Variants in RABGAP1L observed in about 807,000 individuals in gnomAD.
RABGAP1L encodes the protein rab GTPase-activating protein 1-like.
Under a neutral mutation model 137.7 loss-of-function variants are expected in RABGAP1L, and 63 were observed. The observed-to-expected ratio is 0.46, with a 90% CI of 0.37 to 0.56. The LOEUF (loss-of-function observed/expected upper bound fraction) is 0.56, where lower values mean the gene tolerates loss of function less well. Among genes scored for constraint, RABGAP1L ranks in the 20% least tolerant of loss-of-function variants. The pLI is 0.00. For missense variants in RABGAP1L, 1,095 were observed against 1,244.0 expected (o/e 0.88, Z 1.80); for synonymous variants, 431 against 433.7 (o/e 0.99, Z 0.08).
intron 13 of RABGAP1L, among the ~76,000 whole-genome samples, chr1:174,601,934 T>C (rs1670446283): frequency 6.6e-6 from 1 of 152,148 alleles, no homozygotes; most frequent in South Asian, 2.1e-4. Flanking sequence ...CCCAACAAGT[T>C]CCTCATCTCT....
At chr1:174,706,674 A>T (rs1041006953) in intron 17 of RABGAP1L, among the ~76,000 whole-genome samples, 54 of 152,312 alleles carry the variant, frequency 3.5e-4, no homozygotes, top group African/African-American at 1.2e-3. Context: ...ACCCAGATTT[A>T]AAAAAGAACA....
intron 13 of RABGAP1L, among the ~76,000 whole-genome samples, chr1:174,577,481 T>C (rs1291201670): frequency 6.6e-6 from 1 of 152,076 alleles, no homozygotes; most frequent in East Asian, 1.9e-4. Context: ...GTAAGTGCTA[T>C]GTTAAGTGTT....
intron 13 of RABGAP1L, among the ~76,000 whole-genome samples, chr1:174,579,489 A>G (rs1331126365): frequency 2.0e-5 from 3 of 152,202 alleles, no homozygotes; most frequent in Non-Finnish European, 4.4e-5. Context: ...GCATCCACTG[A>G]ACACACGTGC....
chr1:174,345,501 C>T (rs541983098), intron 11 of RABGAP1L, among the ~76,000 whole-genome samples: 22 of 152,102 alleles, frequency 1.4e-4, no homozygotes, highest in African/African-American at 4.6e-4. Context: ...AGAGGTCTTT[C>T]GCTTGTTTGG....
In RABGAP1L at chr1:174,159,553, G is replaced by A. The variant is rs1421111339; in HGVS notation, c.-138G>A. 3 of 152,274 alleles carry A rather than the reference G, an allele frequency of 2.0e-5. No individual in the cohort carries two copies. The highest frequency in any genetic ancestry group is 4.4e-5 in the Non-Finnish European group (3 of 68,088). 9.4% of individuals were successfully genotyped at this position (152,274 alleles called of 1,614,324 possible). On this transcript the variant is annotated 5_prime_UTR_variant, in exon 1 of 26. Transcript: ENST00000681986. ...CCGCCCTCCTCGGGCTCCAGCGGTG[G>A]CGGAGCGAACGGGACCGGCCCGGCT...
chr1:174,497,127 A>AT (rs1275638929), intron 13 of RABGAP1L, among the ~76,000 whole-genome samples: 2 of 152,092 alleles, frequency 1.3e-5, no homozygotes, highest in Non-Finnish European at 1.5e-5. Flanking sequence ...AAGTTTCTAT[A>AT]TTTTTTCTAT....
chr1:174,709,316 G>A (rs1464063417), intron 17 of RABGAP1L, among the ~76,000 whole-genome samples: 1 of 152,200 alleles, frequency 6.6e-6, no homozygotes, highest in African/African-American at 2.4e-5. Flanking sequence ...TACAGTGCTC[G>A]AGCTCTGCTA....
At chr1:174,601,227 C>G (rs1281383549) in intron 13 of RABGAP1L, among the ~76,000 whole-genome samples, 1 of 152,196 alleles carries the variant, frequency 6.6e-6, no homozygotes, top group Non-Finnish European at 1.5e-5. Context: ...GCCCAGCCCA[C>G]AAAACTACTT....
intron 18 of RABGAP1L, among the ~76,000 whole-genome samples, chr1:174,767,005 T>C (rs1685720424): frequency 6.6e-6 from 1 of 152,198 alleles, no homozygotes; most frequent in African/African-American, 2.4e-5. Context: ...GACAACAACT[T>C]AACTTTTTCA....
At chr1:174,346,240 A>G (rs1682416285) in intron 11 of RABGAP1L, among the ~76,000 whole-genome samples, 1 of 152,098 alleles carries the variant, frequency 6.6e-6, no homozygotes, top group African/African-American at 2.4e-5. Context: ...TGGCATCAGG[A>G]CAATACTGGC....
At position 174,860,469 on chromosome 1, in the gene RABGAP1L, G is replaced by A. The variant is rs561714387; in HGVS notation, c.2340+48509G>A. Among the ~76,000 whole-genome samples the A allele has an allele frequency of 3.5e-4, 53 of 152,148 alleles. No individual in the cohort carries two copies. In the South Asian group the frequency reaches 4.8e-3, roughly 14 times the overall value. On this transcript the variant is annotated intron_variant, in intron 19 of 25. Coordinates refer to ENST00000681986, the MANE Select transcript of RABGAP1L (RefSeq NM_001366446.1). ...TGTTTAAAAAAAAATTAAAAATCAA[G>A]TGATTTTTTAAAAATGAAGAAAAGG...
intron 13 of RABGAP1L, among the ~76,000 whole-genome samples, chr1:174,426,047 A>G (rs1651917396): frequency 6.6e-6 from 1 of 152,056 alleles, no homozygotes; most frequent in Admixed American, 6.6e-5. Context: ...CTATTTTACA[A>G]TCAATCATTG....
At chr1:174,975,732 G>A (rs1327759268) in intron 21 of RABGAP1L, among the ~76,000 whole-genome samples, 3 of 152,208 alleles carry the variant, frequency 2.0e-5, no homozygotes, top group Non-Finnish European at 4.4e-5. Flanking sequence ...TCTGTAAGAA[G>A]CATTTAGAAG....
At chr1:174,735,970 C>T (rs572648246) in intron 17 of RABGAP1L, among the ~76,000 whole-genome samples, 5 of 152,306 alleles carry the variant, frequency 3.3e-5, no homozygotes, top group African/African-American at 9.6e-5. Context: ...GGGGATTACA[C>T]TTCAACATGA....
At chr1:174,856,955 T>C (rs1649420417) in intron 19 of RABGAP1L, among the ~76,000 whole-genome samples, 1 of 150,862 alleles carries the variant, frequency 6.6e-6, no homozygotes, top group Admixed American at 6.6e-5. Flanking sequence ...GACCTTTGGG[T>C]TTAAAAGCCC....
At chr1:174,319,937 G>A (rs193241661) in intron 11 of RABGAP1L, among the ~76,000 whole-genome samples, 34 of 151,994 alleles carry the variant, frequency 2.2e-4, no homozygotes, top group East Asian at 5.8e-4. Flanking sequence ...AAAAATCTTC[G>A]ATCACTATGT....
intron 1 of RABGAP1L, among the ~76,000 whole-genome samples, chr1:174,160,278 C>G (rs2901805): frequency 1.3e-5 from 1 of 76,502 alleles, no homozygotes. Flanking sequence ...CTCCCCCCAA[C>G]CCCCACCCAC....
intron 13 of RABGAP1L, among the ~76,000 whole-genome samples, chr1:174,461,215 A>G (rs2149281295): frequency 6.6e-6 from 1 of 152,212 alleles, no homozygotes; most frequent in African/African-American, 2.4e-5. Flanking sequence ...CTTTCAAGGT[A>G]GGGGAGGATA....
intron 13 of RABGAP1L, among the ~76,000 whole-genome samples, chr1:174,602,630 T>A (rs1418095727): frequency 6.6e-5 from 10 of 152,136 alleles, no homozygotes; most frequent in Non-Finnish European, 1.5e-4. Flanking sequence ...TCCATTGTTT[T>A]TTATTATTAT....
Sources: allele counts gnomAD v4.1 joint callset (sites outside exome capture counted in the v4.1 genomes callset), GRCh38; gene constraint gnomAD v4.1.1; transcripts MANE v1.5; gene names NCBI Gene and HGNC (gene_info 2026-07-23, HGNC 2026-07-21).